KIF1C: variants seen among roughly 807,000 people sequenced by gnomAD.
KIF1C encodes the protein kinesin-like protein KIF1C.
A neutral mutation model predicts 126.5 loss-of-function variants in KIF1C; 61 were observed. The ratio of observed to expected loss-of-function variants is 0.48; its 90% CI spans 0.39 to 0.60. The LOEUF (loss-of-function observed/expected upper bound fraction) is 0.60, where lower values mean the gene tolerates loss of function less well. KIF1C is among the 20% of genes least tolerant of loss of function. KIF1C has a pLI of 0.00. For synonymous variants in KIF1C, 640 were observed against 580.6 expected (o/e 1.10, Z -1.47); for missense variants, 1,315 against 1,489.2 (o/e 0.88, Z 1.93).
At chr17:5,014,468 C>T (rs777462978) in intron 17 of KIF1C, among the ~76,000 whole-genome samples, 3 of 152,174 alleles carry the variant, frequency 2.0e-5, no homozygotes, top group Non-Finnish European at 4.4e-5. Context: ...CCTGCATGCT[C>T]TCCCAGCTTC....
Position 5,013,677 on chromosome 17 carries a change from G to A in KIF1C, c.1516G>A (p.Glu506Lys). The A allele has an allele frequency of 5.6e-6, 9 of 1,613,696 alleles. No individual in the cohort carries two copies. The highest frequency in any genetic ancestry group is 5.3e-5 in the African/African-American group (4 of 75,014). The change falls in exon 17 of 23, where the codon GAA (glutamate) becomes AAA (lysine). Residue 506 changes from glutamate (E) to lysine (K), a missense_variant. Coordinates refer to ENST00000320785, the MANE Select transcript of KIF1C (RefSeq NM_006612.6). ...GACTCCCCACCTGGTGAACCTGAAC[G>A]AAGACCCTCTGATGTCTGAGTGTCT... ...KKTPHLVNLN[E>K]DPLMSECLLY...
rs747274413 is a variant in KIF1C, at chr17:5,001,419, T to C, written c.363+18T>C. ...TGCCCCAGGTACGCCTAGGACCTGG[T>C]GGGGCAGCCAGGGCAGGAGCATCTT... On this transcript the variant is annotated intron_variant, in intron 5 of 22. Transcript: ENST00000320785. 3.1e-6 allele frequency: 5 copies of C among 1,610,522 alleles called. No homozygotes were observed. Among genetic ancestry groups the C allele is most frequent in the Non-Finnish European group, 4.2e-6 (5 of 1,177,474 alleles).
chr17:5,014,387 C>A, intron 17 of KIF1C: 1 of 240,704 alleles, frequency 4.2e-6, no homozygotes, highest in Non-Finnish European at 8.2e-6. Context: ...TGAGGGTTAG[C>A]CACATTGGTG....
chr17:5,005,151 G>A (rs566626432), intron 13 of KIF1C, 151 bp downstream of exon 13: 9 of 951,380 alleles, frequency 9.5e-6, no homozygotes, highest in Non-Finnish European at 1.3e-5. Flanking sequence ...TGTGGAGAGG[G>A]AACGTATGTC....
chr17:5,018,283 A>G (rs977957391), intron 18 of KIF1C, among the ~76,000 whole-genome samples: 2 of 152,068 alleles, frequency 1.3e-5, no homozygotes, highest in Non-Finnish European at 1.5e-5. Context: ...GCCCAACCCT[A>G]TTCCCTTTAG....
chr17:5,009,481 T>TA (rs1479858465), intron 16 of KIF1C, among the ~76,000 whole-genome samples: 1 of 151,612 alleles, frequency 6.6e-6, no homozygotes, highest in Admixed American at 6.6e-5. Context: ...CCAGGCCCAT[T>TA]ATGGGTTCTT....
chr17:5,010,746 C>T (rs1314476489), intron 16 of KIF1C, among the ~76,000 whole-genome samples: 2 of 145,776 alleles, frequency 1.4e-5, no homozygotes, highest in African/African-American at 5.0e-5. Context: ...GACTCCGTCT[C>T]AAAAAAAAAA....
At chr17:5,002,002 C>T in intron 5 of KIF1C, 57 bp from the exon 6 acceptor site, 1 of 1,516,876 alleles carries the variant, frequency 6.6e-7, no homozygotes, top group Non-Finnish European at 9.2e-7. Context: ...TGTGGCTGGA[C>T]ACTTTAGGTG....
At chr17:5,012,879 G>T (rs556647979) in intron 16 of KIF1C, among the ~76,000 whole-genome samples, 3 of 152,260 alleles carry the variant, frequency 2.0e-5, no homozygotes, top group Admixed American at 6.5e-5. Context: ...AAGGTGCTGT[G>T]GGAGAAGGGA....
Position 5,022,518 on chromosome 17 carries a change from G to A in KIF1C, c.2437G>A (p.Gly813Ser), listed in dbSNP as rs1415223968. 5 of 1,588,332 alleles carry A rather than the reference G, an allele frequency of 3.1e-6. No individual in the cohort carries two copies. In the African/African-American group the frequency reaches 4.0e-5, roughly 13 times the overall value. Residue 813 changes from glycine to serine, a missense_variant, in exon 22 of 23, where the codon GGT (glycine) becomes AGT (serine). Around this residue, in one of 2 missense-constraint regions of KIF1C, gnomAD observed 441 missense variants for 436.1 expected, o/e 1.01. Coordinates refer to ENST00000320785, the MANE Select transcript of KIF1C (RefSeq NM_006612.6). This position sits in a 1 kb window ranked among gnomAD's most constrained non-coding sequence, Gnocchi z 4.9. Reference protein sequence around the residue: ...VWDTVGEEEGGGAGSGGGSEE... With the variant: ...VWDTVGEEEGSGAGSGGGSEE... ...GGACACTGTAGGCGAGGAGGAAGGAGGTGGAGCTGGCAGTGGTGGTGGCAG... is the reference window on the plus strand; with the variant it reads ...GGACACTGTAGGCGAGGAGGAAGGAAGTGGAGCTGGCAGTGGTGGTGGCAG...
In KIF1C at chr17:5,023,591, C is replaced by A; in HGVS notation, c.2752C>A (p.Leu918Met). The A allele has an allele frequency of 6.2e-7, 1 of 1,613,750 alleles. No homozygotes were observed. The highest frequency in any genetic ancestry group is 8.5e-7 in the Non-Finnish European group (1 of 1,179,926). The part of the protein sequence containing the change: ...MPSARPPSPP[L>M]SSWERVSRLM... ...GTCAGCCCGGCCCCCCTCGCCACCA[C>A]TGTCAAGCTGGGAGCGGGTGTCACG... Residue 918 changes from leucine (L) to methionine (M), a missense_variant, in exon 23 of 23, where the codon CTG becomes ATG. Around this residue, in one of 2 missense-constraint regions of KIF1C, gnomAD observed 441 missense variants for 436.1 expected, o/e 1.01. Transcript: ENST00000320785. This position sits in a 1 kb window ranked among gnomAD's most constrained non-coding sequence, Gnocchi z 4.2.
rs760721111 is a variant in KIF1C at position 5,004,032 on chromosome 17, A to T, written c.899A>T (p.Tyr300Phe). 14 of 1,613,938 alleles carry T rather than the reference A, an allele frequency of 8.7e-6. No individual in the cohort carries two copies. In the East Asian group the frequency reaches 2.2e-4, roughly 26 times the overall value. Residue 300 changes from tyrosine (Y) to phenylalanine (F), a missense_variant, in exon 11 of 23, where the codon TAC becomes TTC. Physicochemically the swap from Tyr to Phe is conservative, Grantham distance 22. Transcript: ENST00000320785. ...SKKRKSDFIP[Y>F]RDSVLTWLLK... is the part of the protein sequence containing the mutation. ...AAGCGAAAGTCGGATTTTATCCCCTACAGGGACTCTGTGCTCACCTGGCTG... is the reference window on the plus strand; with the variant it reads ...AAGCGAAAGTCGGATTTTATCCCCTTCAGGGACTCTGTGCTCACCTGGCTG...
rs1435137825 is a variant in KIF1C at position 5,027,047 on chromosome 17, T to C, written c.*2896T>C. The C allele has an allele frequency of 6.6e-6, 1 of 152,250 alleles. No individual in the cohort carries two copies. Among genetic ancestry groups the C allele is most frequent in the Non-Finnish European group, 1.5e-5 (1 of 68,050 alleles). 9.4% of individuals were successfully genotyped at this position (152,250 alleles called of 1,614,324 possible). ...GTGCCGGCATTCCATATGCATTTGA[T>C]TTAGTCTTTAAAGTACCCCGGTAAA... On this transcript the variant is annotated 3_prime_UTR_variant, in exon 23 of 23. Transcript: ENST00000320785.
In KIF1C at chr17:5,022,129, G is replaced by A. The variant is rs1002320182; in HGVS notation, c.2048G>A (p.Arg683His). ...GACAGCGGGGATGACTCTGACAAGC[G>A]CTCTTGTGAAGAGAGCTGGAGGCTC... ...DSDSGDDSDK[R>H]SCEESWRLIS... is the part of the protein sequence containing the mutation. Residue 683 changes from arginine to histidine, a missense_variant, in exon 22 of 23, where the codon CGC (arginine) becomes CAC (histidine). Physicochemically the swap from Arg to His is conservative, Grantham distance 29. Coordinates refer to ENST00000320785, the MANE Select transcript of KIF1C (RefSeq NM_006612.6). This position sits in a 1 kb window ranked among gnomAD's most constrained non-coding sequence, Gnocchi z 4.9. 1.7e-5 allele frequency: 27 copies of A among 1,610,988 alleles called. No individual in the cohort carries two copies. The highest frequency in any genetic ancestry group is 5.3e-5 in the African/African-American group (4 of 74,874).
intron 13 of KIF1C, among the ~76,000 whole-genome samples, chr17:5,006,406 G>A (rs112817535): frequency 2.0e-5 from 3 of 151,470 alleles, no homozygotes; most frequent in East Asian, 4.0e-4. Context: ...GCGTGGTCTC[G>A]GCTCACTGCA....
Position 5,022,483 on chromosome 17 carries a change from G to A in KIF1C, c.2402G>A (p.Arg801Gln), listed in dbSNP as rs746521760. Reference protein sequence around the residue: ...GPGDAWRAVARDVWDTVGEEE... With the variant: ...GPGDAWRAVAQDVWDTVGEEE... ...GGAGACGCCTGGAGGGCTGTGGCCC[G>A]GGATGTCTGGGACACTGTAGGCGAG... The change falls in exon 22 of 23, where the codon CGG becomes CAG. Residue 801 changes from arginine (R) to glutamine (Q), a missense_variant. Transcript: ENST00000320785. This position sits in a 1 kb window ranked among gnomAD's most constrained non-coding sequence, Gnocchi z 4.9. The A allele has an allele frequency of 2.8e-5, 45 of 1,586,248 alleles. No individual in the cohort carries two copies. The highest frequency in any genetic ancestry group is 1.8e-4 in the South Asian group (16 of 87,692).
At position 5,001,306 on chromosome 17, in the gene KIF1C, A is replaced by G. The variant is rs758655441; in HGVS notation, c.268A>G (p.Asn90Asp). ...EMLLHAFEGYNVCIFAYGQTG... is the reference protein window; with the variant it reads ...EMLLHAFEGYDVCIFAYGQTG... ...GCTGCTCCACGCCTTTGAAGGCTAC[A>G]ACGTGTGCATCTTTGCCTATGGGCA... The change falls in exon 5 of 23, where the codon AAC becomes GAC. Residue 90 changes from asparagine (N) to aspartate (D), a missense_variant. This residue lies in a region of KIF1C where 874 missense variants were observed against 1,053.2 expected (regional missense o/e 0.83). Coordinates refer to ENST00000320785, the MANE Select transcript of KIF1C (RefSeq NM_006612.6). 2 of 1,614,150 alleles carry G rather than the reference A, an allele frequency of 1.2e-6. No individual in the cohort carries two copies. Among genetic ancestry groups the G allele is most frequent in the Non-Finnish European group, 1.7e-6 (2 of 1,180,000 alleles).
chr17:5,004,827 T>C, intron 12 of KIF1C, 28 bp from the exon 13 acceptor site: 1 of 1,614,002 alleles, frequency 6.2e-7, no homozygotes, highest in Non-Finnish European at 8.5e-7. Flanking sequence ...CCCCCAGGCC[T>C]CACCGACCCT....
intron 3 of KIF1C, 62 bp downstream of exon 3, chr17:5,000,414 C>A: frequency 8.7e-7 from 1 of 1,150,444 alleles, no homozygotes. Flanking sequence ...ACCACACAGG[C>A]CAGTCCCGCT....
Sources: allele counts gnomAD v4.1 joint callset (sites outside exome capture counted in the v4.1 genomes callset), GRCh38; gene constraint gnomAD v4.1.1; regional missense constraint gnomAD v4.1.1; non-coding constraint Gnocchi (gnomAD v3.1); transcripts MANE v1.5; gene names NCBI Gene and HGNC (gene_info 2026-07-23, HGNC 2026-07-21).